Variants in PDE11A observed in about 807,000 individuals in gnomAD.
The protein encoded by PDE11A is phosphodiesterase 11A.
A neutral mutation model predicts 100.5 loss-of-function variants in PDE11A; 100 were observed. The observed-to-expected ratio is 1.00, with a 90% CI of 0.85 to 1.18. The LOEUF (loss-of-function observed/expected upper bound fraction) is 1.18. PDE11A is among the 50% of genes most tolerant of loss of function. The probability of loss-of-function intolerance (pLI) is 0.00; values close to 1 mark genes in which losing one functional copy is unlikely to be tolerated. For missense variants in PDE11A, 1,141 were observed against 1,152.6 expected (o/e 0.99, Z 0.15); for synonymous variants, 381 against 420.8 (o/e 0.91, Z 1.16).
intron 2 of PDE11A, among the ~76,000 whole-genome samples, chr2:177,909,450 AC>A (rs1379493672): frequency 2.0e-5 from 3 of 152,130 alleles, no homozygotes; most frequent in African/African-American, 7.2e-5. Context: ...CAGCCCGTAC[AC>A]TAAATTGCAT....
chr2:177,907,892 A>C (rs536097133), intron 2 of PDE11A, among the ~76,000 whole-genome samples: 2 of 152,372 alleles, frequency 1.3e-5, no homozygotes, highest in Admixed American at 6.5e-5. Context: ...GCTGATGCTC[A>C]AACTATTGCT....
chr2:177,687,829 TAGGTGAGGAAACTCAAGGTGAAGGA>T (rs1361012561), intron 15 of PDE11A: 3 of 152,206 alleles, frequency 2.0e-5, no homozygotes, highest in Non-Finnish European at 2.9e-5. Context: ...TCTCATTTTA[TAGGTGAGGAAACTCAAGGTGAAGGA>T]AGGTGAAGTG....
intron 6 of PDE11A, among the ~76,000 whole-genome samples, chr2:177,821,046 C>T (rs1293300414): frequency 6.6e-6 from 1 of 151,738 alleles, no homozygotes; most frequent in African/African-American, 2.4e-5. Flanking sequence ...TGTTCTAATA[C>T]AATAGGAGAA....
chr2:177,809,462 G>C (rs1237300629), intron 9 of PDE11A, among the ~76,000 whole-genome samples: 1 of 152,158 alleles, frequency 6.6e-6, no homozygotes, highest in Non-Finnish European at 1.5e-5. Context: ...ATTGCTAACA[G>C]GAGATTCCCA....
intron 19 of PDE11A, among the ~76,000 whole-genome samples, chr2:177,655,734 G>C (rs796611704): frequency 8.5e-5 from 13 of 152,096 alleles, no homozygotes; most frequent in African/African-American, 3.1e-4. Context: ...GTTGATGTTT[G>C]TACTGATTAC....
At chr2:178,029,777 C>T (rs920957732) in intron 1 of PDE11A, among the ~76,000 whole-genome samples, 10 of 152,026 alleles carry the variant, frequency 6.6e-5, no homozygotes, top group African/African-American at 2.4e-4. Context: ...ATTTAATTGC[C>T]ATTGTGATGA....
chr2:177,748,079 A>C (rs2081977923), intron 10 of PDE11A, among the ~76,000 whole-genome samples: 2 of 152,196 alleles, frequency 1.3e-5, no homozygotes, highest in Admixed American at 6.5e-5. Context: ...AATTGGTAGC[A>C]CTGTGTAGCT....
At chr2:178,042,475 CT>C (rs1402462228) in intron 1 of PDE11A, among the ~76,000 whole-genome samples, 3 of 17,422 alleles carry the variant, frequency 1.7e-4, no homozygotes, top group Non-Finnish European at 3.8e-4. Flanking sequence ...AAGACTCTGT[CT>C]CAAAAAAAAA....
intron 15 of PDE11A, among the ~76,000 whole-genome samples, chr2:177,684,879 A>G (rs1397813262): frequency 6.6e-6 from 1 of 152,228 alleles, no homozygotes; most frequent in Non-Finnish European, 1.5e-5. Context: ...AGCTGCCCCA[A>G]GCAGCTAAGA....
At chr2:177,955,312 T>C (rs1274797380) in intron 2 of PDE11A, among the ~76,000 whole-genome samples, 1 of 152,204 alleles carries the variant, frequency 6.6e-6, no homozygotes, top group African/African-American at 2.4e-5. Flanking sequence ...TATATAATTT[T>C]ATGTAGAATT....
chr2:178,014,231 G>A, intron 2 of PDE11A, 71 bp downstream of exon 2: 9 of 1,178,238 alleles, frequency 7.6e-6, no homozygotes, highest in Non-Finnish European at 1.1e-5. Context: ...CATAATTCCT[G>A]TCTTTTAAAG....
At chr2:178,096,666 C>T (rs571375632) in intron 2 of PDE11A, among the ~76,000 whole-genome samples, 4 of 152,350 alleles carry the variant, frequency 2.6e-5, no homozygotes, top group Admixed American at 1.3e-4. Context: ...CGCATAGCAA[C>T]AGTGACATTT....
intron 2 of PDE11A, among the ~76,000 whole-genome samples, chr2:177,958,485 A>C (rs1008250729): frequency 3.3e-5 from 5 of 152,262 alleles, no homozygotes; most frequent in Admixed American, 1.3e-4. Context: ...ACAAATGGAA[A>C]TAAGATAAGG....
intron 4 of PDE11A, among the ~76,000 whole-genome samples, chr2:177,894,779 C>G (rs2084583867): frequency 6.6e-6 from 1 of 152,188 alleles, no homozygotes; most frequent in Non-Finnish European, 1.5e-5. Context: ...TTAAAACATT[C>G]CTTTCTGCTG....
chr2:177,702,291 G>A (rs543176220), intron 13 of PDE11A, among the ~76,000 whole-genome samples: 4 of 150,756 alleles, frequency 2.7e-5, no homozygotes, highest in Admixed American at 6.6e-5. Context: ...CCCCAGCCTG[G>A]GCGACAGAGT....
At chr2:177,965,842 G>T (rs1342002647) in intron 2 of PDE11A, among the ~76,000 whole-genome samples, 1 of 152,026 alleles carries the variant, frequency 6.6e-6, no homozygotes, top group Non-Finnish European at 1.5e-5. Flanking sequence ...AGTTATTTGG[G>T]CTCATACTGG....
At chr2:178,052,155 C>T (rs1257562888) in intron 1 of PDE11A, among the ~76,000 whole-genome samples, 3 of 152,156 alleles carry the variant, frequency 2.0e-5, no homozygotes, top group East Asian at 1.9e-4. Flanking sequence ...GAAATTATAA[C>T]AAACTGTCTC....
chr2:177,871,036 T>A (rs2084122347), intron 5 of PDE11A, among the ~76,000 whole-genome samples: 1 of 152,256 alleles, frequency 6.6e-6, no homozygotes, highest in East Asian at 1.9e-4. Flanking sequence ...CCATCAATAC[T>A]CATGACCAGG....
intron 18 of PDE11A, among the ~76,000 whole-genome samples, chr2:177,666,013 A>G (rs1197236662): frequency 2.0e-5 from 3 of 152,174 alleles, no homozygotes; most frequent in African/African-American, 4.8e-5. Flanking sequence ...AGCAACTATC[A>G]CTACAATTAT....
Sources: allele counts gnomAD v4.1 joint callset (sites outside exome capture counted in the v4.1 genomes callset), GRCh38; gene constraint gnomAD v4.1.1; transcripts MANE v1.5; gene names NCBI Gene and HGNC (gene_info 2026-07-23, HGNC 2026-07-21).